The following ADGRL2 variants were observed in gnomAD, a reference collection of about 807,000 sequenced individuals.
ADGRL2 encodes adhesion G protein-coupled receptor L2, also known as calcium-independent alpha-latrotoxin receptor 2.
Under a neutral mutation model 157.4 loss-of-function variants are expected in ADGRL2, and 44 were observed. That is an observed-to-expected ratio of 0.28 (90% CI 0.22 to 0.36). ADGRL2 has a LOEUF of 0.36. Ranked by LOEUF, ADGRL2 falls within the 10% of genes least tolerant of loss-of-function variation. The pLI is 1.00. For missense variants in ADGRL2, 1,510 were observed against 1,768.9 expected (o/e 0.85, Z 2.63); for synonymous variants, 585 against 624.7 (o/e 0.94, Z 0.95).
At chr1:81,911,589 G>A (rs1372414312) in intron 3 of ADGRL2, among the ~76,000 whole-genome samples, 2 of 152,030 alleles carry the variant, frequency 1.3e-5, no homozygotes, top group East Asian at 1.9e-4. Flanking sequence ...TTGCTGCTTC[G>A]GATGATGCTT....
At chr1:81,830,770 G>A (rs1047979465) in intron 1 of ADGRL2, among the ~76,000 whole-genome samples, 1 of 152,124 alleles carries the variant, frequency 6.6e-6, no homozygotes, top group African/African-American at 2.4e-5. Flanking sequence ...GCCTCCCAAA[G>A]TGCTGGGATT....
intron 1 of ADGRL2, among the ~76,000 whole-genome samples, chr1:81,394,152 T>C (rs2076611004): frequency 6.6e-6 from 1 of 152,148 alleles, no homozygotes; most frequent in Non-Finnish European, 1.5e-5. Context: ...GTGCCATAGA[T>C]TTCTTGTTAA....
intron 1 of ADGRL2, among the ~76,000 whole-genome samples, chr1:81,832,680 G>T (rs1409325799): frequency 3.3e-5 from 5 of 152,204 alleles, no homozygotes; most frequent in Admixed American, 6.5e-5. Flanking sequence ...GTGACTAGTG[G>T]CTGGCCACGT....
intron 1 of ADGRL2, among the ~76,000 whole-genome samples, chr1:81,335,850 A>C (rs536518999): frequency 1.3e-5 from 2 of 150,126 alleles, no homozygotes; most frequent in African/African-American, 4.9e-5. Flanking sequence ...AAAAAAAAAC[A>C]AAAAACAAAA....
intron 3 of ADGRL2, among the ~76,000 whole-genome samples, chr1:81,663,237 T>C (rs935877125): frequency 5.3e-5 from 8 of 152,030 alleles, no homozygotes; most frequent in African/African-American, 1.9e-4. Context: ...CTAGGAGTCT[T>C]CACCGCACCC....
At chr1:81,908,245 C>A (rs140959742) in intron 3 of ADGRL2, among the ~76,000 whole-genome samples, 181 of 152,226 alleles carry the variant, frequency 1.2e-3, no homozygotes, top group African/African-American at 4.3e-3. Context: ...CAATGCATAT[C>A]CCAGAAAGTA....
chr1:81,823,370 C>CA (rs71242582), intron 1 of ADGRL2, among the ~76,000 whole-genome samples: 2 of 99,308 alleles, frequency 2.0e-5, no homozygotes, highest in African/African-American at 3.4e-5. Flanking sequence ...TTCCTTCCCT[C>CA]CCCCCTCCCT....
At chr1:81,530,190 C>T (rs1399371643) in intron 2 of ADGRL2, among the ~76,000 whole-genome samples, 1 of 152,124 alleles carries the variant, frequency 6.6e-6, no homozygotes, top group African/African-American at 2.4e-5. Flanking sequence ...TGAATGTACC[C>T]TCTTCTCACA....
rs1244609161 is a variant in ADGRL2 at position 81,599,728 on chromosome 1, T to C, written c.-143+18748T>C. Among the ~76,000 whole-genome samples, 3 of 152,202 alleles carry C rather than the reference T, an allele frequency of 2.0e-5. No individual in the cohort carries two copies. The South Asian group carries it at 6.2e-4, about 31-fold the overall frequency. ...ACATTGGTCCTATGAAGCAGCTAAGTATTGCTCTCTCCATTTTTCAGATGA... is the reference window on the plus strand; with the variant it reads ...ACATTGGTCCTATGAAGCAGCTAAGCATTGCTCTCTCCATTTTTCAGATGA... On this transcript the variant is annotated intron_variant, in intron 3 of 24. Coordinates refer to the ADGRL2 transcript ENST00000370721.
At chr1:81,864,767 G>A (rs1470849940) in intron 2 of ADGRL2, among the ~76,000 whole-genome samples, 1 of 152,108 alleles carries the variant, frequency 6.6e-6, no homozygotes, top group East Asian at 1.9e-4. Flanking sequence ...TTTGAGAAAA[G>A]CCTGGCCAAC....
At chr1:81,765,878 A>G (rs576742984) in intron 2 of ADGRL2, among the ~76,000 whole-genome samples, 2 of 152,246 alleles carry the variant, frequency 1.3e-5, no homozygotes, top group South Asian at 2.1e-4. Context: ...CAAGTTTCCA[A>G]TTTATCAAGT....
chr1:81,368,226 T>A (rs6672014), intron 1 of ADGRL2, among the ~76,000 whole-genome samples: 77,335 of 152,074 alleles, frequency 0.51, 21,729 homozygotes, highest in East Asian at 0.72. Context: ...CCATTCTGAC[T>A]GGCATGAGAT....
chr1:81,575,252 TG>T (rs2080774704), intron 2 of ADGRL2, among the ~76,000 whole-genome samples: 1 of 152,210 alleles, frequency 6.6e-6, no homozygotes, highest in Non-Finnish European at 1.5e-5. Context: ...GTCACGAACT[TG>T]TCTGATGAAG....
upstream of ADGRL2, among the ~76,000 whole-genome samples, chr1:81,696,616 G>A (rs1170858429): frequency 1.3e-5 from 2 of 152,112 alleles, no homozygotes; most frequent in East Asian, 3.9e-4. Context: ...GCCGGGTGTG[G>A]TGGCGGGCGC....
chr1:81,384,746 C>T (rs762605362), intron 1 of ADGRL2, among the ~76,000 whole-genome samples: 6 of 152,078 alleles, frequency 3.9e-5, no homozygotes, highest in Admixed American at 6.5e-5. Flanking sequence ...TAAGTAACAA[C>T]GTATCCACAA....
At chr1:81,378,926 T>G (rs1177409321) in intron 1 of ADGRL2, among the ~76,000 whole-genome samples, 1 of 152,222 alleles carries the variant, frequency 6.6e-6, no homozygotes, top group Admixed American at 6.5e-5. Context: ...TATTACTATT[T>G]TTTAAAAATT....
At chr1:81,815,489 A>G (rs1055791002) in intron 1 of ADGRL2, among the ~76,000 whole-genome samples, 1 of 151,874 alleles carries the variant, frequency 6.6e-6, no homozygotes, top group Non-Finnish European at 1.5e-5. Context: ...GGATTCAGAT[A>G]ACAGCTACAA....
chr1:81,401,943 A>C (rs1184333816), intron 1 of ADGRL2, among the ~76,000 whole-genome samples: 1 of 152,218 alleles, frequency 6.6e-6, no homozygotes, highest in Non-Finnish European at 1.5e-5. Context: ...GAAAATAATG[A>C]GAATAAAGAT....
At chr1:81,909,201 A>C (rs2094653798) in intron 3 of ADGRL2, among the ~76,000 whole-genome samples, 1 of 151,888 alleles carries the variant, frequency 6.6e-6, no homozygotes, top group African/African-American at 2.4e-5. Flanking sequence ...GTATCTGTTT[A>C]ATCTTAGCCC....
Sources: gnomAD v4.1 joint callset for allele counts (sites outside exome capture counted in the v4.1 genomes callset) on GRCh38, gnomAD v4.1.1 for gene constraint, MANE v1.5 for transcripts, NCBI Gene and HGNC (gene_info 2026-07-23, HGNC 2026-07-21) for gene names.